USP33: variants seen among roughly 807,000 people sequenced by gnomAD.
USP33 encodes ubiquitin specific peptidase 33, also known as ubiquitin carboxyl-terminal hydrolase 33.
Under a neutral mutation model 124.2 loss-of-function variants are expected in USP33, and 46 were observed. The ratio of observed to expected loss-of-function variants is 0.37; its 90% CI spans 0.29 to 0.47. The LOEUF is 0.47. USP33 is among the 20% of genes least tolerant of loss of function. USP33 has a pLI of 0.99. For missense variants in USP33, 851 were observed against 1,070.6 expected, an observed-to-expected ratio of 0.79 and a Z score of 2.86; for synonymous variants, 350 against 352.3, an observed-to-expected ratio of 0.99 and a Z score of 0.07.
intron 15 of USP33, chr1:77,720,273 C>T: frequency 1.0e-6 from 1 of 972,032 alleles, no homozygotes; most frequent in Non-Finnish European, 1.2e-6. Flanking sequence ...TTTGACAGAT[C>T]TCTACTTTGA....
At chr1:77,738,934 T>C (rs1289034530) in intron 5 of USP33, among the ~76,000 whole-genome samples, 2 of 152,052 alleles carry the variant, frequency 1.3e-5, no homozygotes, top group Non-Finnish European at 2.9e-5. Context: ...TGCCATATGC[T>C]ATCAAAGAAG....
At position 77,759,569 on chromosome 1, in the gene USP33, G is replaced by A. The variant is rs544557183; in HGVS notation, c.-52+74C>T. 6.7e-4 allele frequency: 266 copies of A among 398,130 alleles called. 2 individuals are homozygous for A. Among genetic ancestry groups the A allele is most frequent in the African/African-American group, 4.9e-3 (240 of 48,734 alleles). 24.7% of individuals were successfully genotyped at this position (398,130 alleles called of 1,614,324 possible). Reference sequence around the variant, plus strand: ...CCGCAACCCCAGCGCGCGGAAGCGAGAACAGAGACCGGACCCCGGACGCGA... The same window carrying A: ...CCGCAACCCCAGCGCGCGGAAGCGAAAACAGAGACCGGACCCCGGACGCGA... On this transcript the variant is annotated intron_variant, in intron 1 of 23. Transcript: ENST00000370794.
chr1:77,711,298 C>T (rs947765524), intron 21 of USP33, among the ~76,000 whole-genome samples: 1 of 152,034 alleles, frequency 6.6e-6, no homozygotes, highest in African/African-American at 2.4e-5. Flanking sequence ...GGGGCCAAGA[C>T]AGCAAATCAC....
chr1:77,725,518 T>C (rs1677061613), intron 11 of USP33, 104 bp downstream of exon 11: 3 of 1,434,588 alleles, frequency 2.1e-6, no homozygotes, highest in East Asian at 2.4e-5. Flanking sequence ...TTTTAAAAGA[T>C]CAAATCATAT....
In USP33 at chr1:77,696,333, T is replaced by C. The variant is rs1286831428; in HGVS notation, c.*984A>G. The C allele has an allele frequency of 6.6e-6, 1 of 152,670 alleles. No homozygotes were observed. The highest frequency in any genetic ancestry group is 6.5e-5 in the Admixed American group (1 of 15,286). 9.5% of individuals were successfully genotyped at this position (152,670 alleles called of 1,614,324 possible). A position where few individuals can be genotyped will look rare whatever the true frequency, so the allele number is the denominator to read the frequency against. On this transcript the variant is annotated 3_prime_UTR_variant, in exon 24 of 24. Transcript: ENST00000370794. Reference sequence around the variant, plus strand: ...CTCTAAGTTTTTTAGTCACTGACATTAATACTAACCAGGTTACAGGAATTG... The same window carrying C: ...CTCTAAGTTTTTTAGTCACTGACATCAATACTAACCAGGTTACAGGAATTG...
chr1:77,716,481 A>C (rs1320950517), intron 17 of USP33, among the ~76,000 whole-genome samples: 1 of 152,214 alleles, frequency 6.6e-6, no homozygotes. Context: ...ACAGTGCTGT[A>C]AACAGTTGCA....
chr1:77,739,369 A>C lies in USP33; in HGVS notation c.247T>G (p.Cys83Gly). The change falls in exon 5 of 24, where the codon TGT becomes GGT. Residue 83 changes from cysteine (C) to glycine (G), a missense_variant. By Grantham distance (159) the Cys-to-Gly change is radical (BLOSUM62 -3). Transcript: ENST00000370794. ...AATACTTCTTTGCTGCAAGCATAAC[A>C]CCATACTCGAAGAGTGGTAAGGTTC... ...TVNLTTLRVW[C>G]YACSKEVFLD... is the part of the protein sequence containing the mutation. 1 of 1,613,802 alleles carries C rather than the reference A, an allele frequency of 6.2e-7. No individual in the cohort carries two copies. The highest frequency in any genetic ancestry group is 1.7e-4 in the Middle Eastern group (1 of 6,058).
chr1:77,730,117 T>C (rs1677637475), intron 8 of USP33, among the ~76,000 whole-genome samples, 179 bp from the exon 9 acceptor site: 1 of 152,206 alleles, frequency 6.6e-6, no homozygotes, highest in Non-Finnish European at 1.5e-5. Context: ...CTTGATATTT[T>C]AAGTGATATT....
At chr1:77,713,556 T>TA in intron 19 of USP33, 6 of 220,426 alleles carry the variant, frequency 2.7e-5, no homozygotes, top group Non-Finnish European at 4.1e-5. Flanking sequence ...AGCTAACTTT[T>TA]CTTTTTTTTT....
Position 77,717,998 on chromosome 1 carries a change from G to A in USP33, c.1787C>T (p.Thr596Ile). ...AAATGAAACATGGGTACTGATTTTGGTGGAAAACATTAGTTCATGTCTGAA... is the reference window on the plus strand; with the variant it reads ...AAATGAAACATGGGTACTGATTTTGATGGAAAACATTAGTTCATGTCTGAA... Reference protein sequence around the residue: ...KRFRHELMFSTKISTHVSFPL... With the variant: ...KRFRHELMFSIKISTHVSFPL... Residue 596 changes from threonine to isoleucine, a missense_variant, in exon 17 of 24, where the codon ACC (threonine) becomes ATC (isoleucine). Transcript: ENST00000370794. 2 of 1,612,764 alleles carry A rather than the reference G, an allele frequency of 1.2e-6. No individual in the cohort carries two copies. Among genetic ancestry groups the A allele is most frequent in the Non-Finnish European group, 1.7e-6 (2 of 1,179,428 alleles).
At chr1:77,759,053 C>T (rs148435974) in intron 1 of USP33, among the ~76,000 whole-genome samples, 1 of 152,318 alleles carries the variant, frequency 6.6e-6, no homozygotes, top group East Asian at 1.9e-4. Context: ...GTCTGGGAAA[C>T]CACACACTAT....
chr1:77,757,492 CTT>C (rs1680906759), intron 1 of USP33, among the ~76,000 whole-genome samples: 1 of 152,234 alleles, frequency 6.6e-6, no homozygotes, highest in South Asian at 2.1e-4. Context: ...ATCTCACACT[CTT>C]TGGAGTTTTC....
chr1:77,697,607 C>T, intron 23 of USP33, 133 bp from the exon 24 acceptor site: 3 of 1,112,088 alleles, frequency 2.7e-6, no homozygotes, highest in Non-Finnish European at 3.8e-6. Flanking sequence ...TGCAGACTAC[C>T]AGCCCATATT....
At chr1:77,723,682 G>A (rs1261660973) in intron 11 of USP33, among the ~76,000 whole-genome samples, 1 of 151,230 alleles carries the variant, frequency 6.6e-6, no homozygotes, top group Non-Finnish European at 1.5e-5. Flanking sequence ...TTTTTGTTTT[G>A]AGGTGGAGTC....
chr1:77,739,289 G>C lies in USP33; in HGVS notation c.327C>G (p.His109Gln). The C allele has an allele frequency of 6.2e-7, 1 of 1,613,254 alleles. No homozygotes were observed. Among genetic ancestry groups the C allele is most frequent in the Non-Finnish European group, 8.5e-7 (1 of 1,179,722 alleles). ...CCTGGACACTGTTTTCTTGTATTTGGTGAGGTTGTCTTACATGAGGCAATG... is the reference window on the plus strand; with the variant it reads ...CCTGGACACTGTTTTCTTGTATTTGCTGAGGTTGTCTTACATGAGGCAATG... ...QPSLPHVRQP[H>Q]QIQENSVQDF... is the part of the protein sequence containing the mutation. Residue 109 changes from histidine (H) to glutamine (Q), a missense_variant, in exon 5 of 24, where the codon CAC becomes CAG. Physicochemically the swap from His to Gln is conservative, Grantham distance 24. Around this residue, in one of 4 missense-constraint regions of USP33, gnomAD observed 221 missense variants for 302.9 expected, o/e 0.73. Transcript: ENST00000370794.
chr1:77,759,580 G>T (rs562965924), intron 1 of USP33, 63 bp downstream of exon 1: 35 of 398,130 alleles, frequency 8.8e-5, no homozygotes, highest in Admixed American at 4.0e-4. Context: ...AACAGAGACC[G>T]GACCCCGGAC....
At chr1:77,735,995 T>C in intron 6 of USP33, 61 bp downstream of exon 6, 1 of 1,238,484 alleles carries the variant, frequency 8.1e-7, no homozygotes, top group Non-Finnish European at 1.1e-6. Context: ...TTTTACATTA[T>C]ATGGTTTTCT....
At position 77,723,232 on chromosome 1, in the gene USP33, T is replaced by C. The variant is rs11162379; in HGVS notation, c.1389+99A>G. ...CAATAAATGCATGTATGCTCATCAATAGCAAAGAGAAGGAATTAAACTTTT... is the reference window on the plus strand; with the variant it reads ...CAATAAATGCATGTATGCTCATCAACAGCAAAGAGAAGGAATTAAACTTTT... On this transcript the variant is annotated intron_variant, in intron 12 of 23. Transcript: ENST00000370794. The C allele has an allele frequency of 5.4e-3, 4,792 of 886,158 alleles. 151 individuals are homozygous for C. In the African/African-American group the frequency reaches 0.07, roughly 13 times the overall value. 54.9% of individuals were successfully genotyped at this position (886,158 alleles called of 1,614,324 possible). A position where few individuals can be genotyped will look rare whatever the true frequency, so the allele number is the denominator to read the frequency against.
chr1:77,700,064 G>T (rs1008244726), intron 22 of USP33, among the ~76,000 whole-genome samples: 2 of 151,682 alleles, frequency 1.3e-5, no homozygotes. Flanking sequence ...TGAGGGGTGG[G>T]AGAACAACAG....
Sources: gnomAD v4.1 joint callset for allele counts (sites outside exome capture counted in the v4.1 genomes callset) on GRCh38, gnomAD v4.1.1 for gene constraint, gnomAD v4.1.1 regional missense constraint, MANE v1.5 for transcripts, NCBI Gene and HGNC (gene_info 2026-07-23, HGNC 2026-07-21) for gene names.